Variants in CEP131 observed in about 807,000 individuals in gnomAD.
The protein encoded by CEP131 is centrosomal protein of 131 kDa.
A neutral mutation model predicts 136.8 loss-of-function variants in CEP131; 99 were observed. That is an observed-to-expected ratio of 0.72 (90% CI 0.62 to 0.86). CEP131 has a LOEUF of 0.86. Ranked by LOEUF, CEP131 falls within the 40% of genes least tolerant of loss-of-function variation. CEP131 has a pLI of 0.00. For synonymous variants in CEP131, 646 were observed against 612.7 expected (o/e 1.05, Z -0.80); for missense variants, 1,459 against 1,463.0 (o/e 1.00, Z 0.04).
rs539499675 is a variant in CEP131 at position 81,219,019 on chromosome 17, C to T, written c.177+861G>A. ...CAGGCCAGACTCTGGTCAGGCTCTG[C>T]CCCAACCCCCACAGAGCGGCTCGAT... On this transcript the variant is annotated intron_variant, in intron 2 of 25. Coordinates refer to ENST00000450824, the MANE Select transcript of CEP131 (RefSeq NM_014984.4). The surrounding 1 kb of genome is among the most constrained non-coding windows in gnomAD (Gnocchi z 4.0). Among the ~76,000 whole-genome samples the T allele has an allele frequency of 3.9e-5, 6 of 152,352 alleles. No individual in the cohort carries two copies. The highest frequency in any genetic ancestry group is 1.3e-4 in the Admixed American group (2 of 15,312).
intron 1 of CEP131, among the ~76,000 whole-genome samples, 197 bp from the exon 2 acceptor site, chr17:81,220,270 T>C (rs2146765990): frequency 6.6e-6 from 1 of 152,090 alleles, no homozygotes; most frequent in East Asian, 1.9e-4. Flanking sequence ...GAGCCCAATG[T>C]CAGTGTATGC....
Position 81,200,332 on chromosome 17 carries a change from C to G in CEP131, c.903G>C (p.Arg301=). The change falls in exon 8 of 26, where the codon CGG becomes CGC. Residue 301 remains arginine, a synonymous_variant. Transcript: ENST00000450824. ...ARLEHLLQAK[R]EEQRQRSGEG... is the part of the protein sequence containing the mutation. ...TGACTGAGACGCCCACACTGACCTC[C>G]CGCTTGGCCTGAAGCAAGTGCTCCA... The G allele has an allele frequency of 6.2e-7, 1 of 1,601,498 alleles. No homozygotes were observed. Among genetic ancestry groups the G allele is most frequent in the Non-Finnish European group, 8.5e-7 (1 of 1,174,632 alleles).
In CEP131 at chr17:81,197,010, C is replaced by T. The variant is rs767046029; in HGVS notation, c.1693G>A (p.Glu565Lys). 1.8e-5 allele frequency: 28 copies of T among 1,596,706 alleles called. No individual in the cohort carries two copies. Among genetic ancestry groups the T allele is most frequent in the East Asian group, 9.1e-5 (4 of 44,128 alleles). Residue 565 changes from glutamate to lysine, a missense_variant, in exon 14 of 26, where the codon GAG (glutamate) becomes AAG (lysine). By Grantham distance (56) the Glu-to-Lys change is moderately conservative. Around this residue, in one of 3 missense-constraint regions of CEP131, gnomAD observed 1,026 missense variants for 964.2 expected, o/e 1.06. Transcript: ENST00000450824. ...AGCCGCATCACAGACGTGCTCACCTCGGACCCCAGCTCCAGGGGCCCCGGC... is the reference window on the plus strand; with the variant it reads ...AGCCGCATCACAGACGTGCTCACCTTGGACCCCAGCTCCAGGGGCCCCGGC... ...AGPGPLELGS[E>K]VSTSVMRLKL... is the part of the protein sequence containing the mutation.
At chr17:81,190,007 G>GC (rs2061603855) in intron 24 of CEP131, 32 bp from the exon 25 acceptor site, 2 of 1,570,184 alleles carry the variant, frequency 1.3e-6, no homozygotes, top group African/African-American at 1.3e-5. Flanking sequence ...CTTCAGTGTG[G>GC]CCCCCGCCCC....
Position 81,194,990 on chromosome 17 carries a change from C to G in CEP131, c.2017-18G>C. On this transcript the variant is annotated intron_variant, in intron 16 of 25. Coordinates refer to ENST00000450824, the MANE Select transcript of CEP131 (RefSeq NM_014984.4). ...TTAATCTCCTACGAGCAGAACAGGGCAGGAGGAAACGACACGAAGGACACC... is the reference window on the plus strand; with the variant it reads ...TTAATCTCCTACGAGCAGAACAGGGGAGGAGGAAACGACACGAAGGACACC... 1 of 1,595,900 alleles carries G rather than the reference C, an allele frequency of 6.3e-7. No homozygotes were observed. The highest frequency in any genetic ancestry group is 8.6e-7 in the Non-Finnish European group (1 of 1,169,534).
In CEP131 at chr17:81,210,233, A is replaced by T. The variant is rs183763187; in HGVS notation, c.178-1211T>A. On this transcript the variant is annotated intron_variant, in intron 2 of 25. Coordinates refer to ENST00000450824, the MANE Select transcript of CEP131 (RefSeq NM_014984.4). Reference sequence around the variant, plus strand: ...GCCAGATGCAGTGGCTCACGCCTGTAATCCCAGCACTTTGGGAGGCCGGGG... The same window carrying T: ...GCCAGATGCAGTGGCTCACGCCTGTTATCCCAGCACTTTGGGAGGCCGGGG... 8.5e-3 allele frequency among the ~76,000 whole-genome samples: 1,290 copies of T among 152,170 alleles called. 27 individuals are homozygous for T. The highest frequency in any genetic ancestry group is 0.03 in the African/African-American group (1,242 of 41,466).
chr17:81,216,039 G>A (rs2062238668), intron 2 of CEP131, among the ~76,000 whole-genome samples: 1 of 151,946 alleles, frequency 6.6e-6, no homozygotes, highest in Admixed American at 6.6e-5. Flanking sequence ...CAGCAACCTA[G>A]TGAGACCCCT....
At chr17:81,210,738 C>T (rs1012237845) in intron 2 of CEP131, among the ~76,000 whole-genome samples, 1 of 151,104 alleles carries the variant, frequency 6.6e-6, no homozygotes, top group African/African-American at 2.4e-5. Context: ...CTCGGGTCTC[C>T]AGTTTCCCAG....
intron 7 of CEP131, among the ~76,000 whole-genome samples, chr17:81,201,087 A>C (rs1438897328): frequency 6.6e-6 from 1 of 152,216 alleles, no homozygotes; most frequent in African/African-American, 2.4e-5. Flanking sequence ...TAAGCAAAAA[A>C]AAAAATGCTT....
At position 81,193,739 on chromosome 17, in the gene CEP131, C is replaced by T. The variant is rs560973626; in HGVS notation, c.2321+187G>A. Among the ~76,000 whole-genome samples, 7 of 152,292 alleles carry T rather than the reference C, an allele frequency of 4.6e-5. No homozygotes were observed. In the South Asian group the frequency reaches 1.2e-3, roughly 27 times the overall value. The stretch of plus-strand genomic sequence containing the variant: ...CGGGCATGAACTGCAGACACAAGCC[C>T]GAGGACACTGGCCCGGCTGAGGCTG... On this transcript the variant is annotated intron_variant, in intron 18 of 25. Coordinates refer to ENST00000450824, the MANE Select transcript of CEP131 (RefSeq NM_014984.4).
At chr17:81,216,123 G>A (rs747432589) in intron 2 of CEP131, among the ~76,000 whole-genome samples, 4 of 152,132 alleles carry the variant, frequency 2.6e-5, no homozygotes, top group Non-Finnish European at 5.9e-5. Context: ...ACTTCGGGAG[G>A]CTGAGGCAGG....
intron 24 of CEP131, 55 bp from the exon 25 acceptor site, chr17:81,190,030 TG>T (rs1158244347): frequency 6.6e-7 from 1 of 1,504,440 alleles, no homozygotes; most frequent in Non-Finnish European, 9.1e-7. Flanking sequence ...GTCCCCAGAG[TG>T]GCCTGCAGTG....
rs758227439 is a variant in CEP131 at position 81,197,710 on chromosome 17, ACCT to A, written c.1646_1647+1del. 3.5e-5 allele frequency: 56 copies of A among 1,607,082 alleles called. No individual in the cohort carries two copies. The highest frequency in any genetic ancestry group is 4.8e-5 in the Non-Finnish European group (56 of 1,176,428). ...GCCGGGTGCGGGCTGGTGAGGGGCC[ACCT>A]CCTGCTGGGAGTCCAGCTGGTCCTG... On this transcript the variant is annotated splice_donor_variant and coding_sequence_variant, in exon 13 of 26. Transcript: ENST00000450824. LOFTEE classifies it high-confidence loss of function.
At chr17:81,202,460 C>G (rs995927017) in intron 6 of CEP131, 62 bp from the exon 7 acceptor site, 54 of 1,554,884 alleles carry the variant, frequency 3.5e-5, no homozygotes, top group Non-Finnish European at 4.2e-5. Flanking sequence ...TGCCCACAGG[C>G]AGCAGGTGCC....
intron 14 of CEP131, 26 bp downstream of exon 14, chr17:81,196,904 G>A (rs373802038): frequency 6.8e-6 from 11 of 1,607,510 alleles, no homozygotes; most frequent in African/African-American, 4.0e-5. Context: ...AGCAGGGCCC[G>A]GGATTAGCAG....
At chr17:81,205,803 G>A (rs991205133) in intron 5 of CEP131, among the ~76,000 whole-genome samples, 25 of 152,248 alleles carry the variant, frequency 1.6e-4, no homozygotes, top group African/African-American at 5.5e-4. Context: ...GAAGGCTGAA[G>A]GGGGAGGATC....
At position 81,198,302 on chromosome 17, in the gene CEP131, A is replaced by G. The variant is rs774687546; in HGVS notation, c.1288-5T>C. On this transcript the variant is annotated splice_polypyrimidine_tract_variant and splice_region_variant and intron_variant, in intron 11 of 25. Coordinates refer to ENST00000450824, the MANE Select transcript of CEP131 (RefSeq NM_014984.4). ...TGCATCCTGGGCAAGAACGTCCTGCAAAAGAGCAGGGAGACAGATGCAGCA... is the reference window on the plus strand; with the variant it reads ...TGCATCCTGGGCAAGAACGTCCTGCGAAAGAGCAGGGAGACAGATGCAGCA... The G allele has an allele frequency of 3.1e-6, 5 of 1,591,022 alleles. No homozygotes were observed. The South Asian group carries it at 3.4e-5, about 11-fold the overall frequency.
At chr17:81,195,648 G>C (rs1370349063) in intron 16 of CEP131, among the ~76,000 whole-genome samples, 187 bp downstream of exon 16, 1 of 152,208 alleles carries the variant, frequency 6.6e-6, no homozygotes, top group African/African-American at 2.4e-5. Flanking sequence ...CTGGCAGCTA[G>C]AGAGGCAGGA....
intron 2 of CEP131, among the ~76,000 whole-genome samples, chr17:81,218,955 T>C (rs1022448133): frequency 1.3e-5 from 2 of 152,236 alleles, no homozygotes; most frequent in Non-Finnish European, 2.9e-5. Flanking sequence ...GGCTGCCGCA[T>C]GGAAGCCAAG....
Sources: gnomAD v4.1 joint callset for allele counts (sites outside exome capture counted in the v4.1 genomes callset) on GRCh38, gnomAD v4.1.1 for gene constraint, gnomAD v4.1.1 regional missense constraint, Gnocchi (gnomAD v3.1) non-coding constraint, MANE v1.5 for transcripts, NCBI Gene and HGNC (gene_info 2026-07-23, HGNC 2026-07-21) for gene names.